IRS1: variants seen among roughly 807,000 people sequenced by gnomAD.
IRS1 encodes insulin receptor substrate 1.
A neutral mutation model predicts 65.6 loss-of-function variants in IRS1; 34 were observed. The ratio of observed to expected loss-of-function variants is 0.52; its 90% CI spans 0.39 to 0.69. The LOEUF (loss-of-function observed/expected upper bound fraction) is 0.69, where lower values mean the gene tolerates loss of function less well. IRS1 is among the 30% of genes least tolerant of loss of function. The probability of loss-of-function intolerance (pLI) is 0.00; values close to 1 mark genes in which losing one functional copy is unlikely to be tolerated. For synonymous variants in IRS1, 699 were observed against 683.5 expected, an observed-to-expected ratio of 1.02 and a Z score of -0.35; for missense variants, 1,641 against 1,720.2, an observed-to-expected ratio of 0.95 and a Z score of 0.81.
At chr2:226,773,166 T>C (rs761049222) in intron 1 of IRS1, among the ~76,000 whole-genome samples, 4 of 152,220 alleles carry the variant, frequency 2.6e-5, no homozygotes, top group Non-Finnish European at 5.9e-5. Context: ...CATTGGCAGA[T>C]ATATATTCCT....
chr2:226,791,833 A>AGG (rs1478978772), intron 1 of IRS1, among the ~76,000 whole-genome samples: 1 of 151,648 alleles, frequency 6.6e-6, no homozygotes, highest in Non-Finnish European at 1.5e-5. Flanking sequence ...CGGCCCGGGA[A>AGG]GGGGCCCCAC....
Position 226,770,955 on chromosome 2 carries a change from T to C in IRS1, c.*21+24034A>G, listed in dbSNP as rs531836755. Among the ~76,000 whole-genome samples the C allele has an allele frequency of 6.6e-5, 10 of 152,024 alleles. No homozygotes were observed. The South Asian group carries it at 2.1e-3, about 32-fold the overall frequency. On this transcript the variant is annotated intron_variant, in intron 1 of 1. Coordinates refer to ENST00000305123, the MANE Select transcript of IRS1 (RefSeq NM_005544.3). ...TGGGAGGATCTCTTGAGCACAAGAG[T>C]TTGGGGTAAGCTATGATGATGCCAC...
intron 1 of IRS1, among the ~76,000 whole-genome samples, chr2:226,738,346 T>C (rs1313145480): frequency 1.3e-5 from 2 of 152,246 alleles, no homozygotes; most frequent in Non-Finnish European, 2.9e-5. Flanking sequence ...GGAATGATCA[T>C]GGCTGGCATC....
chr2:226,757,350 C>T (rs746018481), intron 1 of IRS1, among the ~76,000 whole-genome samples: 19 of 152,068 alleles, frequency 1.2e-4, no homozygotes, highest in Non-Finnish European at 2.2e-4. Context: ...CACAGTGGCT[C>T]ACAACTGTGA....
At chr2:226,749,322 T>C (rs888852809) in intron 1 of IRS1, among the ~76,000 whole-genome samples, 1 of 152,138 alleles carries the variant, frequency 6.6e-6, no homozygotes, top group African/African-American at 2.4e-5. Context: ...TAGAGATAGT[T>C]TTCTTTCTTC....
At chr2:226,764,027 T>C (rs1938974861) in intron 1 of IRS1, among the ~76,000 whole-genome samples, 1 of 152,048 alleles carries the variant, frequency 6.6e-6, no homozygotes, top group South Asian at 2.1e-4. Flanking sequence ...TACACAACTC[T>C]GTAGTTCATG....
At position 226,786,265 on chromosome 2, in the gene IRS1, G is replaced by T. The variant is rs573949548; in HGVS notation, c.*21+8724C>A. Among the ~76,000 whole-genome samples the T allele has an allele frequency of 4.6e-5, 7 of 152,056 alleles. No individual in the cohort carries two copies. In the South Asian group the frequency reaches 1.5e-3, roughly 32 times the overall value. On this transcript the variant is annotated intron_variant, in intron 1 of 1. Coordinates refer to ENST00000305123, the MANE Select transcript of IRS1 (RefSeq NM_005544.3). ...GTCCTTTGGGTATATACCCAGTAAT[G>T]GGACGGCTGGGTCAAATGGTATTTG...
intron 1 of IRS1, among the ~76,000 whole-genome samples, chr2:226,778,500 A>C (rs1325639460): frequency 6.6e-6 from 1 of 152,194 alleles, no homozygotes; most frequent in Non-Finnish European, 1.5e-5. Context: ...GTTTCAAGAT[A>C]GTCTTTCCTC....
intron 1 of IRS1, among the ~76,000 whole-genome samples, chr2:226,755,986 G>A (rs1293768247): frequency 1.3e-5 from 2 of 152,182 alleles, no homozygotes; most frequent in Admixed American, 1.3e-4. Context: ...TTGGCAGAAA[G>A]CTTTCAAAAC....
intron 1 of IRS1, among the ~76,000 whole-genome samples, chr2:226,750,472 A>G (rs1938655433): frequency 6.6e-6 from 1 of 152,202 alleles, no homozygotes; most frequent in Non-Finnish European, 1.5e-5. Context: ...CCAAATCACT[A>G]AATTAAAAAA....
rs1254824880 is a variant in IRS1, at chr2:226,731,583, G to A, written c.*4689C>T. On this transcript the variant is annotated 3_prime_UTR_variant, in exon 2 of 2. Coordinates refer to ENST00000305123, the MANE Select transcript of IRS1 (RefSeq NM_005544.3). ...CCCATTACATATATACATAATACAT[G>A]TTATAAACATATATACAGTAAATGT... 6.6e-6 allele frequency: 1 copy of A among 152,090 alleles called. No homozygotes were observed. The highest frequency in any genetic ancestry group is 1.5e-5 in the Non-Finnish European group (1 of 68,028). The allele number at this position is 152,090 out of a possible 1,614,324, so 9.4% of individuals were successfully genotyped here. A position where few individuals can be genotyped will look rare whatever the true frequency, so the allele number is the denominator to read the frequency against.
chr2:226,769,946 C>T (rs983699342), intron 1 of IRS1, among the ~76,000 whole-genome samples: 4 of 152,068 alleles, frequency 2.6e-5, no homozygotes, highest in South Asian at 2.1e-4. Flanking sequence ...TCACTGCTCT[C>T]CTGTCTGGTA....
chr2:226,792,797 C>G (rs554208906), intron 1 of IRS1, among the ~76,000 whole-genome samples: 1 of 151,952 alleles, frequency 6.6e-6, no homozygotes, highest in East Asian at 1.9e-4. Context: ...CTGTTTGCCA[C>G]TCACAGGTCT....
At position 226,744,823 on chromosome 2, in the gene IRS1, C is replaced by T. The variant is rs1938505485; in HGVS notation, c.*22-8573G>A. ...CTAAGGAACGTCTCCAGGAAGCCAT[C>T]ATCTTACAGAAGCAAAAAAGGTTTA... On this transcript the variant is annotated intron_variant, in intron 1 of 1. Transcript: ENST00000305123. Among the ~76,000 whole-genome samples the T allele has an allele frequency of 2.0e-5, 3 of 152,104 alleles. No homozygotes were observed. In the South Asian group the frequency reaches 6.2e-4, roughly 32 times the overall value.
intron 1 of IRS1, among the ~76,000 whole-genome samples, chr2:226,793,339 A>C (rs1939645796): frequency 6.6e-6 from 1 of 152,210 alleles, no homozygotes; most frequent in Non-Finnish European, 1.5e-5. Context: ...GCACTTTATA[A>C]TACAAATGCT....
In IRS1 at chr2:226,797,510, C is replaced by T; in HGVS notation, c.1229G>A (p.Arg410Gln). 1.9e-6 allele frequency: 3 copies of T among 1,612,978 alleles called. No individual in the cohort carries two copies. Among genetic ancestry groups the T allele is most frequent in the South Asian group, 1.1e-5 (1 of 91,018 alleles). ...HGSTSDCLFP[R>Q]RSSASVSGSP... ...ACCAGACACCGAAGCACTAGATCGC[C>T]GTGGGAAGAGACAATCCGAGGTGGA... is the stretch of plus-strand genomic sequence containing the variant. Residue 410 changes from arginine (R) to glutamine (Q), a missense_variant, in exon 1 of 2, where the codon CGG (arginine) becomes CAG (glutamine). Transcript: ENST00000305123. This position sits in a 1 kb window ranked among gnomAD's most constrained non-coding sequence, Gnocchi z 8.1.
rs1559158438 is a variant in IRS1, at chr2:226,794,987, A to T, written c.*21+2T>A. On this transcript the variant is annotated splice_donor_variant, in intron 1 of 1. Coordinates refer to ENST00000305123, the MANE Select transcript of IRS1 (RefSeq NM_005544.3). LOFTEE classifies it low-confidence loss of function (3UTR_SPLICE). This position sits in a 1 kb window ranked among gnomAD's most constrained non-coding sequence, Gnocchi z 4.1. Reference sequence around the variant, plus strand: ...TTCTGACTTTGTCACCATGAAACGCACCTGCTGTGATGTCCAGTTGAGCTA... The same window carrying T: ...TTCTGACTTTGTCACCATGAAACGCTCCTGCTGTGATGTCCAGTTGAGCTA... 3 of 1,612,830 alleles carry T rather than the reference A, an allele frequency of 1.9e-6. No individual in the cohort carries two copies. The highest frequency in any genetic ancestry group is 2.5e-6 in the Non-Finnish European group (3 of 1,179,668).
intron 1 of IRS1, among the ~76,000 whole-genome samples, chr2:226,784,401 T>C (rs1939447827): frequency 6.6e-6 from 1 of 152,026 alleles, no homozygotes; most frequent in Non-Finnish European, 1.5e-5. Context: ...TCAAATGTTT[T>C]TTTTTAATTT....
rs1265161819 is a variant in IRS1, at chr2:226,735,470, G to T, written c.*802C>A. 2 of 152,236 alleles carry T rather than the reference G, an allele frequency of 1.3e-5. No homozygotes were observed. Among genetic ancestry groups the T allele is most frequent in the Non-Finnish European group, 2.9e-5 (2 of 68,014 alleles). 9.4% of individuals were successfully genotyped at this position (152,236 alleles called of 1,614,324 possible). A position where few individuals can be genotyped will look rare whatever the true frequency, so the allele number is the denominator to read the frequency against. ...ATCCTTCTTCAGTTTAATTAACATG[G>T]CCTATTGTCTTACAGGAAAAAATAC... is the stretch of plus-strand genomic sequence containing the variant. On this transcript the variant is annotated 3_prime_UTR_variant, in exon 2 of 2. Transcript: ENST00000305123.
Sources: gnomAD v4.1 joint callset for allele counts (sites outside exome capture counted in the v4.1 genomes callset) on GRCh38, gnomAD v4.1.1 for gene constraint, Gnocchi (gnomAD v3.1) non-coding constraint, MANE v1.5 for transcripts, NCBI Gene and HGNC (gene_info 2026-07-23, HGNC 2026-07-21) for gene names.